DLG2: variants seen among roughly 807,000 people sequenced by gnomAD.
The protein encoded by DLG2 is disks large homolog 2.
DLG2 carries 45 observed loss-of-function variants against 132.5 expected under a neutral mutation model. The ratio of observed to expected loss-of-function variants is 0.34; its 90% CI spans 0.27 to 0.44. The LOEUF (loss-of-function observed/expected upper bound fraction) is 0.44. Ranked by LOEUF, DLG2 falls within the 20% of genes least tolerant of loss-of-function variation. The pLI, the probability that DLG2 is intolerant of heterozygous loss-of-function variation, is 1.00. For synonymous variants in DLG2, 424 were observed against 419.6 expected, an observed-to-expected ratio of 1.01 and a Z score of -0.13; for missense variants, 1,045 against 1,196.9, an observed-to-expected ratio of 0.87 and a Z score of 1.87.
intron 3 of DLG2, among the ~76,000 whole-genome samples, chr11:85,346,828 T>C (rs1172095275): frequency 6.6e-6 from 1 of 150,970 alleles, no homozygotes; most frequent in African/African-American, 2.4e-5. Flanking sequence ...GAGGCATCCA[T>C]TCCCTTAACA....
chr11:83,593,407 C>T (rs1211126184), intron 19 of DLG2, among the ~76,000 whole-genome samples: 1 of 151,566 alleles, frequency 6.6e-6, no homozygotes, highest in African/African-American at 2.4e-5. Context: ...AAAAACCAAA[C>T]ACCGCATATT....
At chr11:84,033,095 T>C (rs1007777930) in intron 11 of DLG2, among the ~76,000 whole-genome samples, 6 of 152,196 alleles carry the variant, frequency 3.9e-5, no homozygotes, top group Non-Finnish European at 7.3e-5. Context: ...TAACACGATA[T>C]CCATTCTACA....
chr11:84,880,301 C>T (rs1329884914), intron 6 of DLG2, among the ~76,000 whole-genome samples: 5 of 152,106 alleles, frequency 3.3e-5, no homozygotes, highest in Non-Finnish European at 7.4e-5. Flanking sequence ...TGAGAGCACA[C>T]TTAAAACATG....
intron 6 of DLG2, among the ~76,000 whole-genome samples, chr11:84,625,291 C>G (rs1178565053): frequency 6.6e-6 from 1 of 152,144 alleles, no homozygotes; most frequent in Non-Finnish European, 1.5e-5. Context: ...GACTCTTTAC[C>G]ACAGACTACC....
At chr11:85,013,391 G>C (rs2059314309) in intron 6 of DLG2, among the ~76,000 whole-genome samples, 1 of 152,108 alleles carries the variant, frequency 6.6e-6, no homozygotes, top group Non-Finnish European at 1.5e-5. Flanking sequence ...TGGAAGAATT[G>C]CATGGAGAAA....
At chr11:85,400,765 C>A (rs1429802928) in intron 3 of DLG2, among the ~76,000 whole-genome samples, 1 of 151,046 alleles carries the variant, frequency 6.6e-6, no homozygotes, top group African/African-American at 2.4e-5. Flanking sequence ...GGGAACATCA[C>A]ACTCTGGAGA....
At chr11:85,059,306 T>C (rs982764430) in intron 6 of DLG2, among the ~76,000 whole-genome samples, 1 of 151,530 alleles carries the variant, frequency 6.6e-6, no homozygotes, top group Non-Finnish European at 1.5e-5. Context: ...GTAACATACA[T>C]TGCTGGTGGG....
chr11:83,986,007 C>A (rs1416121473), intron 11 of DLG2, among the ~76,000 whole-genome samples: 3 of 151,914 alleles, frequency 2.0e-5, no homozygotes, highest in Non-Finnish European at 4.4e-5. Flanking sequence ...ACAACCTCAC[C>A]AGTGTCTGTT....
chr11:84,653,859 A>C (rs2099685003), intron 6 of DLG2, among the ~76,000 whole-genome samples: 1 of 152,100 alleles, frequency 6.6e-6, no homozygotes, highest in Admixed American at 6.6e-5. Flanking sequence ...TTAGTAGCTT[A>C]TTGTCTCTTC....
chr11:85,285,452 A>T lies in DLG2; in HGVS notation c.41-87T>A, dbSNP rs886358219. ...CATATATGTCCATATATAGACATACAGAAATTTTGCTGATTAAAAGAACTG... is the reference window on the plus strand; with the variant it reads ...CATATATGTCCATATATAGACATACTGAAATTTTGCTGATTAAAAGAACTG... On this transcript the variant is annotated intron_variant, in intron 3 of 27. Coordinates refer to ENST00000376104, the MANE Select transcript of DLG2 (RefSeq NM_001142699.3). The T allele has an allele frequency of 7.7e-6, 10 of 1,292,672 alleles. No individual in the cohort carries two copies. The Admixed American group carries it at 2.4e-4, about 30-fold the overall frequency. 80.1% of individuals were successfully genotyped at this position (1,292,672 alleles called of 1,614,324 possible). A position where few individuals can be genotyped will look rare whatever the true frequency, so the allele number is the denominator to read the frequency against.
rs535672377 is a variant in DLG2 at position 83,953,629 on chromosome 11, T to G, written c.1340+9256A>C. On this transcript the variant is annotated intron_variant, in intron 14 of 27. Coordinates refer to ENST00000376104, the MANE Select transcript of DLG2 (RefSeq NM_001142699.3). ...AGGGATTGCAAAGTGTCATGGACAA[T>G]TGCTAAAGTATACATCTGTGGGCAA... Among the ~76,000 whole-genome samples, 14 of 152,304 alleles carry G rather than the reference T, an allele frequency of 9.2e-5. No individual in the cohort carries two copies. In the South Asian group the frequency reaches 2.7e-3, roughly 29 times the overall value.
intron 11 of DLG2, among the ~76,000 whole-genome samples, chr11:84,032,235 C>G (rs1375091047): frequency 6.6e-6 from 1 of 152,068 alleles, no homozygotes; most frequent in African/African-American, 2.4e-5. Flanking sequence ...ATGTTGAAAG[C>G]TGAGGTAGGT....
At chr11:85,025,280 T>C (rs1182763956) in intron 6 of DLG2, among the ~76,000 whole-genome samples, 1 of 152,190 alleles carries the variant, frequency 6.6e-6, no homozygotes, top group East Asian at 1.9e-4. Flanking sequence ...TTTCCTCATA[T>C]TGATGCTTCA....
chr11:85,621,630 G>C (rs2081709403), intron 2 of DLG2, among the ~76,000 whole-genome samples: 1 of 152,206 alleles, frequency 6.6e-6, no homozygotes, highest in African/African-American at 2.4e-5. Flanking sequence ...AGTAACTTCA[G>C]ATGGAATGGA....
chr11:84,794,244 T>C (rs1430547392), intron 6 of DLG2, among the ~76,000 whole-genome samples: 6 of 152,246 alleles, frequency 3.9e-5, no homozygotes, highest in African/African-American at 1.4e-4. Context: ...ATAACTTCAT[T>C]GCACATTTTA....
At chr11:85,099,921 C>T (rs979636635) in intron 6 of DLG2, among the ~76,000 whole-genome samples, 1 of 152,114 alleles carries the variant, frequency 6.6e-6, no homozygotes, top group Non-Finnish European at 1.5e-5. Flanking sequence ...CAATCACTTG[C>T]GCTTCTAAAG....
At chr11:83,951,464 G>A (rs1032873240) in intron 14 of DLG2, among the ~76,000 whole-genome samples, 1 of 152,138 alleles carries the variant, frequency 6.6e-6, no homozygotes, top group African/African-American at 2.4e-5. Context: ...ACGAAAGGGT[G>A]ATCGTGGATG....
rs192258435 is a variant in DLG2 at position 85,485,521 on chromosome 11, G to A, written c.40+113136C>T. ...TAAACACTTTGAATAGATCATCTAAGAGAGACTTAGATTCAACAAAGAAGT... is the reference window on the plus strand; with the variant it reads ...TAAACACTTTGAATAGATCATCTAAAAGAGACTTAGATTCAACAAAGAAGT... On this transcript the variant is annotated intron_variant, in intron 3 of 27. Transcript: ENST00000376104. 9.2e-5 allele frequency among the ~76,000 whole-genome samples: 14 copies of A among 152,286 alleles called. No individual in the cohort carries two copies. The East Asian group carries it at 2.3e-3, about 25-fold the overall frequency.
At chr11:84,856,706 A>C (rs1373243732) in intron 6 of DLG2, among the ~76,000 whole-genome samples, 1 of 151,902 alleles carries the variant, frequency 6.6e-6, no homozygotes, top group Non-Finnish European at 1.5e-5. Flanking sequence ...CCTGCTTCAA[A>C]CCCTTCAAAG....
Sources: gnomAD v4.1 joint callset for allele counts (sites outside exome capture counted in the v4.1 genomes callset) on GRCh38, gnomAD v4.1.1 for gene constraint, MANE v1.5 for transcripts, NCBI Gene and HGNC (gene_info 2026-07-23, HGNC 2026-07-21) for gene names.